The following NLRP14 variants were observed in gnomAD, a reference collection of about 807,000 sequenced individuals.
NLRP14 encodes the protein NLR family pyrin domain containing 14, also known as NACHT, LRR and PYD domains-containing protein 14.
Under a neutral mutation model 94.7 loss-of-function variants are expected in NLRP14, and 105 were observed. The observed-to-expected ratio is 1.11, with a 90% confidence interval of 0.95 to 1.30. NLRP14 has a LOEUF of 1.30. NLRP14 is among the 50% of genes most tolerant of loss of function. The pLI is 0.00. For synonymous variants in NLRP14, 508 were observed against 459.9 expected, an observed-to-expected ratio of 1.10 and a Z score of -1.34; for missense variants, 1,362 against 1,254.1, an observed-to-expected ratio of 1.09 and a Z score of -1.30.
chr11:7,064,450 A>G (rs966419925), intron 10 of NLRP14, among the ~76,000 whole-genome samples: 1 of 152,050 alleles, frequency 6.6e-6, no homozygotes, highest in Admixed American at 6.6e-5. Context: ...TCTAGGAGAA[A>G]AAAGAGAGAG....
At position 7,039,624 on chromosome 11, in the gene NLRP14, A is replaced by C. The variant is rs1761790250; in HGVS notation, c.290-90A>C. ...ACCCAGATAGTCATAGAATTGGACC[A>C]CTTATGTGAATGCTGGCCTCTGTTC... On this transcript the variant is annotated intron_variant, in intron 2 of 11. Transcript: ENST00000299481. 5.0e-6 allele frequency: 5 copies of C among 1,006,900 alleles called. No individual in the cohort carries two copies. In the African/African-American group the frequency reaches 7.9e-5, roughly 16 times the overall value. The allele number at this position is 1,006,900 out of a possible 1,614,324, so 62.4% of individuals were successfully genotyped here.
chr11:7,090,690 AAACCAACTAGATTTTG>A, the NLRP14 span: 2 of 302,908 alleles, frequency 6.6e-6, no homozygotes, highest in Non-Finnish European at 1.3e-5. Context: ...CTGCTCATTT[AAACCAACTAGATTTTG>A]GGTGGAGAGT....
At chr11:7,040,321 G>A (rs61879043) in intron 3 of NLRP14, among the ~76,000 whole-genome samples, 3 of 152,216 alleles carry the variant, frequency 2.0e-5, no homozygotes, top group African/African-American at 4.8e-5. Flanking sequence ...TACCACCTGA[G>A]CTTCGCCTCC....
intron 6 of NLRP14, among the ~76,000 whole-genome samples, chr11:7,054,767 A>T (rs531687736): frequency 6.0e-4 from 91 of 151,894 alleles, no homozygotes; most frequent in African/African-American, 2.1e-3. Flanking sequence ...TGTTCACCTT[A>T]TTGGTTGTTT....
At chr11:7,088,971 G>T in the NLRP14 span, 1 of 900,110 alleles carries the variant, frequency 1.1e-6, no homozygotes, top group South Asian at 1.6e-5. Context: ...GGCGCGCCCT[G>T]CAGCGGGGCT....
intron 1 of NLRP14, 48 bp from the exon 2 acceptor site, chr11:7,038,518 T>C: frequency 7.1e-7 from 1 of 1,401,404 alleles, no homozygotes; most frequent in South Asian, 1.2e-5. Context: ...CTTTTTCATG[T>C]GTCCCATTTA....
the NLRP14 span, among the ~76,000 whole-genome samples, chr11:7,087,083 C>T: frequency 1.5e-4 from 23 of 152,170 alleles, no homozygotes; most frequent in Non-Finnish European, 2.4e-4. Flanking sequence ...ATTCTTTGTT[C>T]TAAATATCTT....
At chr11:7,037,848 G>A (rs1449124612) in intron 1 of NLRP14, among the ~76,000 whole-genome samples, 2 of 152,182 alleles carry the variant, frequency 1.3e-5, no homozygotes, top group African/African-American at 4.8e-5. Context: ...AGAGCAGTAA[G>A]GTCATGGGAG....
chr11:7,071,386 T>A lies in NLRP14; in HGVS notation c.*78T>A. ...TAGATATATACCCAGACTTGGGTGC[T>A]TAGCTTCAGATACTCTATGCCCAGA... is the stretch of plus-strand genomic sequence containing the variant. On this transcript the variant is annotated 3_prime_UTR_variant, in exon 12 of 12. Coordinates refer to ENST00000299481, the MANE Select transcript of NLRP14 (RefSeq NM_176822.4). The A allele has an allele frequency of 2.5e-6, 3 of 1,202,362 alleles. No homozygotes were observed. The highest frequency in any genetic ancestry group is 1.3e-5 in the South Asian group (1 of 77,012). 74.5% of individuals were successfully genotyped at this position (1,202,362 alleles called of 1,614,324 possible).
chr11:7,044,119 A>G, intron 4 of NLRP14, 135 bp downstream of exon 4: 1 of 884,954 alleles, frequency 1.1e-6, no homozygotes, highest in East Asian at 2.5e-5. Flanking sequence ...TGAGGCAGGG[A>G]GGCTAAGCAT....
At chr11:7,085,429 T>C in the NLRP14 span, among the ~76,000 whole-genome samples, 1 of 152,244 alleles carries the variant, frequency 6.6e-6, no homozygotes, top group Non-Finnish European at 1.5e-5. Flanking sequence ...TTCTACTTTC[T>C]GTCTCTATGA....
the NLRP14 span, chr11:7,090,467 T>TA: frequency 1.1e-6 from 1 of 907,394 alleles, no homozygotes; most frequent in Non-Finnish European, 1.7e-6. Context: ...AGAAAAAACT[T>TA]AAAATTCGTT....
the NLRP14 span, among the ~76,000 whole-genome samples, chr11:7,086,420 C>T: frequency 6.6e-6 from 1 of 152,200 alleles, no homozygotes; most frequent in Non-Finnish European, 1.5e-5. Flanking sequence ...CACACAGGTC[C>T]ACTATGCACA....
intron 1 of NLRP14, among the ~76,000 whole-genome samples, chr11:7,021,961 A>G (rs1424092427): frequency 1.3e-5 from 2 of 151,996 alleles, no homozygotes; most frequent in Admixed American, 1.3e-4. Flanking sequence ...AAAGAAAAAA[A>G]AAAAGCTAAG....
the NLRP14 span, among the ~76,000 whole-genome samples, chr11:7,088,141 G>A: frequency 6.6e-6 from 1 of 152,152 alleles, no homozygotes; most frequent in Non-Finnish European, 1.5e-5. Flanking sequence ...CCAACATTTA[G>A]AGAATACACT....
Position 7,043,502 on chromosome 11 carries a change from T to C in NLRP14, c.1476T>C (p.Tyr492=), listed in dbSNP as rs780347646. 4 of 1,614,060 alleles carry C rather than the reference T, an allele frequency of 2.5e-6. No homozygotes were observed. Among genetic ancestry groups the C allele is most frequent in the Non-Finnish European group, 3.4e-6 (4 of 1,180,032 alleles). ...HVQEFFAAMF[Y]MLKGSWEAGN... ...AGGAGTTTTTTGCAGCTATGTTCTA[T>C]ATGTTGAAAGGCAGTTGGGAAGCTG... is the stretch of plus-strand genomic sequence containing the variant. Residue 492 remains tyrosine, a synonymous_variant, in exon 4 of 12, where the codon TAT becomes TAC. Coordinates refer to ENST00000299481, the MANE Select transcript of NLRP14 (RefSeq NM_176822.4).
At chr11:7,075,217 T>G (rs151309259), downstream of NLRP14, among the ~76,000 whole-genome samples, 5 of 152,216 alleles carry the variant, frequency 3.3e-5, no homozygotes, top group Non-Finnish European at 7.3e-5. Context: ...TTGGGGACTT[T>G]GGATTTTATT....
chr11:7,068,095 A>T (rs1315134550), intron 10 of NLRP14, among the ~76,000 whole-genome samples: 1 of 152,050 alleles, frequency 6.6e-6, no homozygotes, highest in Non-Finnish European at 1.5e-5. Flanking sequence ...TATTTGCTTA[A>T]CTTCTTAATC....
At position 7,043,340 on chromosome 11, in the gene NLRP14, G is replaced by C. The variant is rs1308943179; in HGVS notation, c.1314G>C (p.Met438Ile). ...CQVAAKGIWTMTYVFYRENLR... is the reference protein window; with the variant it reads ...CQVAAKGIWTITYVFYRENLR... ...TCGCTGCCAAAGGAATATGGACTAT[G>C]ACTTACGTGTTTTACAGAGAAAATC... The change falls in exon 4 of 12, where the codon ATG becomes ATC. Residue 438 changes from methionine to isoleucine, a missense_variant. Physicochemically the swap from Met to Ile is conservative, Grantham distance 10 (BLOSUM62 1). Transcript: ENST00000299481. 8 of 1,614,076 alleles carry C rather than the reference G, an allele frequency of 5.0e-6. No individual in the cohort carries two copies. Among genetic ancestry groups the C allele is most frequent in the Non-Finnish European group, 6.8e-6 (8 of 1,180,038 alleles).
Sources: gnomAD v4.1 joint callset for allele counts (sites outside exome capture counted in the v4.1 genomes callset) on GRCh38, gnomAD v4.1.1 for gene constraint, MANE v1.5 for transcripts, NCBI Gene and HGNC (gene_info 2026-07-23, HGNC 2026-07-21) for gene names.